Variants in FMN2 observed in about 807,000 individuals in gnomAD.
FMN2 encodes the protein formin-2.
A neutral mutation model predicts 142.3 loss-of-function variants in FMN2; 51 were observed. That is an observed-to-expected ratio of 0.36 (90% CI 0.29 to 0.45). The LOEUF (loss-of-function observed/expected upper bound fraction) is 0.45, where lower values mean the gene tolerates loss of function less well. Among genes scored for constraint, FMN2 ranks in the 20% least tolerant of loss-of-function variants. The probability of loss-of-function intolerance (pLI) is 1.00; values close to 1 mark genes in which losing one functional copy is unlikely to be tolerated. For synonymous variants in FMN2, 882 were observed against 869.8 expected (o/e 1.01, Z -0.25); for missense variants, 1,936 against 2,122.8 (o/e 0.91, Z 1.73).
chr1:240,183,983 G>A (rs113124314), intron 3 of FMN2, among the ~76,000 whole-genome samples: 2 of 152,050 alleles, frequency 1.3e-5, no homozygotes, highest in East Asian at 1.9e-4. Flanking sequence ...TTTTTAGAAG[G>A]CATATTTTGT....
chr1:240,310,121 G>T (rs1670551458), intron 8 of FMN2, among the ~76,000 whole-genome samples: 1 of 152,134 alleles, frequency 6.6e-6, no homozygotes, highest in African/African-American at 2.4e-5. Context: ...GAGGGTACAT[G>T]TGAATTTTAT....
chr1:240,280,267 CTTAAAA>C (rs1056042791), intron 7 of FMN2, among the ~76,000 whole-genome samples: 1 of 151,874 alleles, frequency 6.6e-6, no homozygotes, highest in Non-Finnish European at 1.5e-5. Flanking sequence ...AATTTTTTCC[CTTAAAA>C]TTGTGATTAT....
intron 7 of FMN2, among the ~76,000 whole-genome samples, 198 bp downstream of exon 7, chr1:240,258,230 A>G (rs1412192728): frequency 6.6e-6 from 1 of 152,176 alleles, no homozygotes; most frequent in Non-Finnish European, 1.5e-5. Flanking sequence ...TGTTATTTAT[A>G]TACCTTACTA....
chr1:240,145,236 C>T (rs1450762121), intron 2 of FMN2: 2 of 1,472,474 alleles, frequency 1.4e-6, no homozygotes, highest in African/African-American at 1.4e-5. Context: ...TTATCTTCCT[C>T]AGACAGCTCC....
chr1:240,296,718 T>C (rs963745296), intron 8 of FMN2, among the ~76,000 whole-genome samples: 17 of 151,950 alleles, frequency 1.1e-4, no homozygotes, highest in South Asian at 4.2e-4. Context: ...ATCTGTGAGA[T>C]TGAGACCGAT....
chr1:240,100,753 A>G (rs1661383104), intron 1 of FMN2, among the ~76,000 whole-genome samples: 1 of 152,164 alleles, frequency 6.6e-6, no homozygotes, highest in Non-Finnish European at 1.5e-5. Flanking sequence ...TCAGGCTCCA[A>G]CCTACCAGGA....
chr1:240,187,742 G>A (rs1422099344), intron 3 of FMN2, among the ~76,000 whole-genome samples: 1 of 152,140 alleles, frequency 6.6e-6, no homozygotes, highest in Non-Finnish European at 1.5e-5. Context: ...TTCTTACTCA[G>A]TGTCTCTTGG....
At chr1:240,433,151 G>A (rs1014419409) in intron 15 of FMN2, among the ~76,000 whole-genome samples, 5 of 152,076 alleles carry the variant, frequency 3.3e-5, no homozygotes, top group East Asian at 1.9e-4. Flanking sequence ...CATTAGATGC[G>A]TATCTTTATG....
At chr1:240,241,817 GTGCCTTGCTTT>G in intron 6 of FMN2, among the ~76,000 whole-genome samples, 2 of 124,084 alleles carry the variant, frequency 1.6e-5, no homozygotes, top group African/African-American at 6.6e-5. Flanking sequence ...TTATTTTAGT[GTGCCTTGCTTT>G]TTTTTTTTTT....
intron 8 of FMN2, among the ~76,000 whole-genome samples, chr1:240,298,475 G>A (rs946981383): frequency 1.3e-5 from 2 of 152,162 alleles, no homozygotes; most frequent in African/African-American, 4.8e-5. Context: ...TATATCAGGG[G>A]TCCTCAACCC....
intron 6 of FMN2, among the ~76,000 whole-genome samples, chr1:240,233,736 C>T (rs1667606660): frequency 6.6e-6 from 1 of 152,070 alleles, no homozygotes; most frequent in African/African-American, 2.4e-5. Context: ...CTCATTAATT[C>T]ATTAGGGATA....
chr1:240,438,014 G>A, intron 15 of FMN2, 47 bp from the exon 16 acceptor site: 1 of 1,583,094 alleles, frequency 6.3e-7, no homozygotes, highest in Non-Finnish European at 8.6e-7. Flanking sequence ...TCCCATATTG[G>A]AAAGTAATCA....
Position 240,336,582 on chromosome 1 carries a change from A to AAAAAAAAG in FMN2, c.4765+2353_4765+2354insAAAAAAAG, listed in dbSNP as rs144682452. 7.6e-3 allele frequency among the ~76,000 whole-genome samples: 778 copies of AAAAAAAAG among 101,846 alleles called. 139 individuals are homozygous for AAAAAAAAG. Among genetic ancestry groups the AAAAAAAAG allele is most frequent in the Middle Eastern group, 0.015 (2 of 134 alleles). 66.8% of individuals were successfully genotyped at this position (101,846 alleles called of 152,430 possible). On this transcript the variant is annotated intron_variant, in intron 13 of 17. Transcript: ENST00000319653. ...AAAAAAAAAAAAAAAAAAAAAAAAA[A>AAAAAAAAG]GGTGGTTGCAATTGTTTTCCCATTT...
At chr1:240,368,946 A>T (rs890164381) in intron 14 of FMN2, among the ~76,000 whole-genome samples, 1 of 112,994 alleles carries the variant, frequency 8.9e-6, no homozygotes, top group Non-Finnish European at 1.7e-5. Context: ...AAAGTGTACA[A>T]CACAATGTTT....
chr1:240,386,117 G>C (rs1180776810), intron 14 of FMN2, among the ~76,000 whole-genome samples: 1 of 152,152 alleles, frequency 6.6e-6, no homozygotes, highest in African/African-American at 2.4e-5. Flanking sequence ...TATTCTGAAA[G>C]TCATGCACTG....
intron 8 of FMN2, among the ~76,000 whole-genome samples, chr1:240,299,277 T>C (rs1332570941): frequency 6.6e-6 from 1 of 152,218 alleles, no homozygotes; most frequent in Non-Finnish European, 1.5e-5. Flanking sequence ...TTGAACAATA[T>C]GGTTTGTATA....
chr1:240,197,294 C>G (rs945480074), intron 4 of FMN2, among the ~76,000 whole-genome samples: 7 of 152,172 alleles, frequency 4.6e-5, no homozygotes, highest in African/African-American at 1.4e-4. Context: ...CCCCTTTTCC[C>G]AAGCCTCTCC....
intron 7 of FMN2, among the ~76,000 whole-genome samples, chr1:240,286,872 T>G (rs1669608535): frequency 6.6e-6 from 1 of 152,192 alleles, no homozygotes; most frequent in Admixed American, 6.5e-5. Context: ...GACAACGCAG[T>G]TCTTTCTGCT....
rs559030024 is a variant in FMN2 at position 240,178,192 on chromosome 1, CA to C, written c.1930+129del. 6.8e-5 allele frequency: 79 copies of C among 1,170,186 alleles called. 1 individual carries two copies. In the South Asian group the frequency reaches 2.0e-3, roughly 30 times the overall value. The allele number at this position is 1,170,186 out of a possible 1,614,324, so 72.5% of individuals were successfully genotyped here. ...TTGCATGGCATTCAGATATAATCTTCAAAAAGTTTTTACTTTGGGGTCTTTT... is the reference window on the plus strand; with the variant it reads ...TTGCATGGCATTCAGATATAATCTTCAAAAGTTTTTACTTTGGGGTCTTTT... On this transcript the variant is annotated intron_variant, in intron 3 of 17. Transcript: ENST00000319653.
Sources: gnomAD v4.1 joint callset for allele counts (sites outside exome capture counted in the v4.1 genomes callset) on GRCh38, gnomAD v4.1.1 for gene constraint, MANE v1.5 for transcripts, NCBI Gene and HGNC (gene_info 2026-07-23, HGNC 2026-07-21) for gene names.